Variants in KPNA6 observed in about 807,000 individuals in gnomAD.
The protein encoded by KPNA6 is importin subunit alpha-7.
A neutral mutation model predicts 72.0 loss-of-function variants in KPNA6; 9 were observed. The ratio of observed to expected loss-of-function variants is 0.13; its 90% CI spans 0.08 to 0.22. The LOEUF (loss-of-function observed/expected upper bound fraction) is 0.22. Ranked by LOEUF, KPNA6 falls within the 10% of genes least tolerant of loss-of-function variation. The pLI is 1.00. For synonymous variants in KPNA6, 219 were observed against 242.1 expected (o/e 0.90, Z 0.89); for missense variants, 374 against 655.7 (o/e 0.57, Z 4.69).
chr1:32,118,997 C>CATAT (rs71578197), intron 1 of KPNA6, among the ~76,000 whole-genome samples: 1,429 of 59,606 alleles, frequency 0.024, 86 homozygotes, highest in Middle Eastern at 0.048. Context: ...TGTGTGTATA[C>CATAT]ATATATATAT....
chr1:32,170,837 G>C lies in KPNA6; in HGVS notation c.1554G>C (p.Thr518=), dbSNP rs756658262. The C allele has an allele frequency of 1.9e-6, 3 of 1,614,192 alleles. No homozygotes were observed. Among genetic ancestry groups the C allele is most frequent in the Non-Finnish European group, 8.5e-7 (1 of 1,180,028 alleles). The stretch of plus-strand genomic sequence containing the variant: ...GCCTGGCTCCCCAAGTCGATGAAAC[G>C]CAACAGCAGTTCATCTTCCAGCAGC... ...DSSLAPQVDE[T]QQQFIFQQPE... Residue 518 remains threonine (T), a synonymous_variant, in exon 14 of 14, where the codon ACG becomes ACC. Transcript: ENST00000373625.
chr1:32,143,612 TAAAA>T (rs1428332846), intron 1 of KPNA6, among the ~76,000 whole-genome samples: 1 of 151,012 alleles, frequency 6.6e-6, no homozygotes, highest in African/African-American at 2.4e-5. Context: ...TTATTAGTGA[TAAAA>T]TATATGTAAC....
intron 1 of KPNA6, among the ~76,000 whole-genome samples, chr1:32,126,808 C>T (rs1230268825): frequency 6.6e-6 from 1 of 151,868 alleles, no homozygotes; most frequent in Non-Finnish European, 1.5e-5. Flanking sequence ...GTCATTGGTT[C>T]CTTAAGTGTA....
intron 1 of KPNA6, among the ~76,000 whole-genome samples, chr1:32,113,915 T>C (rs1175121082): frequency 2.0e-5 from 3 of 152,240 alleles, no homozygotes; most frequent in African/African-American, 7.2e-5. Flanking sequence ...CTTCTAGTTA[T>C]CTTGCTGTTT....
intron 6 of KPNA6, 101 bp from the exon 7 acceptor site, chr1:32,160,514 T>A: frequency 1.2e-6 from 1 of 857,374 alleles, no homozygotes; most frequent in South Asian, 1.4e-5. Context: ...GGCCTTGACA[T>A]CATTCTCATC....
At chr1:32,151,301 T>G (rs1314332248) in intron 1 of KPNA6, among the ~76,000 whole-genome samples, 1 of 152,172 alleles carries the variant, frequency 6.6e-6, no homozygotes, top group Admixed American at 6.6e-5. Context: ...GGGTCTCTAC[T>G]ATGCCCTAAG....
intron 1 of KPNA6, among the ~76,000 whole-genome samples, chr1:32,117,381 C>G (rs1641345493): frequency 6.6e-6 from 1 of 151,746 alleles, no homozygotes; most frequent in African/African-American, 2.4e-5. Flanking sequence ...ACCATCTTGG[C>G]CAGGCTGGTC....
chr1:32,155,129 A>G (rs921990424), intron 2 of KPNA6, among the ~76,000 whole-genome samples: 23 of 150,490 alleles, frequency 1.5e-4, no homozygotes, highest in South Asian at 8.3e-4. Flanking sequence ...AAAAAAAAAA[A>G]AAAAGAAAAG....
chr1:32,166,033 C>CA (rs1190732645), intron 10 of KPNA6, 72 bp from the exon 11 acceptor site: 211 of 1,408,730 alleles, frequency 1.5e-4, no homozygotes, highest in African/African-American at 3.0e-4. Flanking sequence ...ACAACAACAA[C>CA]AACAAAAAAA....
intron 1 of KPNA6, among the ~76,000 whole-genome samples, chr1:32,112,244 G>A (rs564593805): frequency 1.3e-5 from 2 of 152,242 alleles, no homozygotes; most frequent in African/African-American, 4.8e-5. Flanking sequence ...AGACAGAGAT[G>A]GGAAAGCTAT....
intron 2 of KPNA6, 115 bp from the exon 3 acceptor site, chr1:32,156,738 C>T: frequency 1.4e-6 from 1 of 731,630 alleles, no homozygotes; most frequent in Non-Finnish European, 2.3e-6. Context: ...AGCTTGGCCT[C>T]ACTTCTCAGC....
chr1:32,134,527 A>T (rs1009019690), intron 1 of KPNA6, among the ~76,000 whole-genome samples: 1 of 151,536 alleles, frequency 6.6e-6, no homozygotes, highest in Non-Finnish European at 1.5e-5. Flanking sequence ...AATCTCAGCT[A>T]CCTGGGAGGC....
chr1:32,137,334 T>G (rs1399545462), intron 1 of KPNA6, among the ~76,000 whole-genome samples: 1 of 152,072 alleles, frequency 6.6e-6, no homozygotes, highest in Non-Finnish European at 1.5e-5. Context: ...TCACCACACC[T>G]GGCTAATTTT....
chr1:32,164,065 C>T (rs1052156358), intron 10 of KPNA6, among the ~76,000 whole-genome samples: 10 of 152,220 alleles, frequency 6.6e-5, no homozygotes, highest in African/African-American at 2.4e-4. Flanking sequence ...TCCCCATTCT[C>T]CCTTCCCCTA....
chr1:32,148,848 C>G (rs1371003035), intron 1 of KPNA6, among the ~76,000 whole-genome samples: 2 of 151,928 alleles, frequency 1.3e-5, no homozygotes, highest in African/African-American at 4.8e-5. Flanking sequence ...TGAGCCACTG[C>G]GCCCGGCCCC....
chr1:32,163,677 A>G (rs1314470500), intron 10 of KPNA6, among the ~76,000 whole-genome samples: 1 of 152,220 alleles, frequency 6.6e-6, no homozygotes, highest in East Asian at 1.9e-4. Context: ...TAGATCTTTA[A>G]GGTCTCATGG....
rs1642506764 is a variant in KPNA6, at chr1:32,175,269, G to C, written c.*4375G>C. 6.6e-6 allele frequency: 1 copy of C among 152,266 alleles called. No homozygotes were observed. Among genetic ancestry groups the C allele is most frequent in the Non-Finnish European group, 1.5e-5 (1 of 68,070 alleles). The allele number at this position is 152,266 out of a possible 1,614,324, so 9.4% of individuals were successfully genotyped here. On this transcript the variant is annotated 3_prime_UTR_variant, in exon 14 of 14. Coordinates refer to ENST00000373625, the MANE Select transcript of KPNA6 (RefSeq NM_012316.5). Reference sequence around the variant, plus strand: ...ACATGTTAGGCCCAGAACACCATGGGAAAAGGTTTATGTAGTGTATCTTAG... The same window carrying C: ...ACATGTTAGGCCCAGAACACCATGGCAAAAGGTTTATGTAGTGTATCTTAG...
intron 12 of KPNA6, 57 bp downstream of exon 12, chr1:32,167,353 C>G: frequency 1.9e-6 from 3 of 1,606,356 alleles, no homozygotes; most frequent in Non-Finnish European, 2.6e-6. Context: ...CCTGTTTGCT[C>G]ATGGTTTACA....
At chr1:32,127,489 G>T (rs1450117554) in intron 1 of KPNA6, among the ~76,000 whole-genome samples, 1 of 152,164 alleles carries the variant, frequency 6.6e-6, no homozygotes, top group African/African-American at 2.4e-5. Context: ...TTTCCAATTT[G>T]TCAGAAGGGC....
Sources: gnomAD v4.1 joint callset for allele counts (sites outside exome capture counted in the v4.1 genomes callset) on GRCh38, gnomAD v4.1.1 for gene constraint, MANE v1.5 for transcripts, NCBI Gene and HGNC (gene_info 2026-07-23, HGNC 2026-07-21) for gene names.